Variants in SORCS2 observed in about 807,000 individuals in gnomAD.
SORCS2 encodes the protein sortilin related VPS10 domain containing receptor 2.
SORCS2 carries 100 observed loss-of-function variants against 141.6 expected under a neutral mutation model. The ratio of observed to expected loss-of-function variants is 0.71; its 90% CI spans 0.60 to 0.83. The LOEUF (loss-of-function observed/expected upper bound fraction) is 0.83, where lower values mean the gene tolerates loss of function less well. SORCS2 is among the 40% of genes least tolerant of loss of function. SORCS2 has a pLI of 0.00. For missense variants in SORCS2, 1,646 were observed against 1,560.2 expected, an observed-to-expected ratio of 1.05 and a Z score of -0.93; for synonymous variants, 789 against 676.9, an observed-to-expected ratio of 1.17 and a Z score of -2.57.
chr4:7,556,629 T>G (rs573531630), intron 3 of SORCS2, among the ~76,000 whole-genome samples: 18 of 152,206 alleles, frequency 1.2e-4, no homozygotes, highest in African/African-American at 4.1e-4. Context: ...AGGATCTAGA[T>G]TTTTTTCCAT....
intron 2 of SORCS2, among the ~76,000 whole-genome samples, chr4:7,398,058 A>G (rs942083349): frequency 6.6e-6 from 1 of 152,154 alleles, no homozygotes; most frequent in African/African-American, 2.4e-5. Context: ...AGACTGTGTG[A>G]AGTGTCTTCT....
intron 2 of SORCS2, among the ~76,000 whole-genome samples, chr4:7,524,415 C>T (rs985090843): frequency 2.6e-5 from 4 of 152,032 alleles, no homozygotes; most frequent in Non-Finnish European, 5.9e-5. Flanking sequence ...ACAAGCCACG[C>T]GGGTTGTGGT....
intron 1 of SORCS2, among the ~76,000 whole-genome samples, chr4:7,354,132 C>T (rs1721111320): frequency 6.6e-6 from 1 of 152,236 alleles, no homozygotes; most frequent in Non-Finnish European, 1.5e-5. Context: ...CTGCACGGAC[C>T]CCACCCTGTG....
Position 7,321,322 on chromosome 4 carries a change from A to G in SORCS2, c.481-74966A>G, listed in dbSNP as rs1577395859. 3.3e-5 allele frequency among the ~76,000 whole-genome samples: 5 copies of G among 152,212 alleles called. 1 individual carries two copies. Among genetic ancestry groups the G allele is most frequent in the Admixed American group, 3.3e-4 (5 of 15,296 alleles). On this transcript the variant is annotated intron_variant, in intron 1 of 26. Coordinates refer to ENST00000507866, the MANE Select transcript of SORCS2 (RefSeq NM_020777.3). ...GTATTCCATGGTGTATGTATACCATATTTTCTTTATTCACTCATTGGTTGA... is the reference window on the plus strand; with the variant it reads ...GTATTCCATGGTGTATGTATACCATGTTTTCTTTATTCACTCATTGGTTGA...
At position 7,192,744 on chromosome 4, in the gene SORCS2, C is replaced by G; in HGVS notation, c.98C>G (p.Ser33Trp). Residue 33 changes from serine to tryptophan, a missense_variant, in exon 1 of 27, where the codon TCG (serine) becomes TGG (tryptophan). Coordinates refer to ENST00000507866, the MANE Select transcript of SORCS2 (RefSeq NM_020777.3). The surrounding 1 kb of genome is among the most constrained non-coding windows in gnomAD (Gnocchi z 4.0). ...GAPPPPRSPRSRPLLLLLLLL... is the reference protein window; with the variant it reads ...GAPPPPRSPRWRPLLLLLLLL... Reference sequence around the variant, plus strand: ...CCGCCGCCGCCGCGCTCGCCGCGCTCGCGGCCGCTCCTGCTGCTGCTGCTG... The same window carrying G: ...CCGCCGCCGCCGCGCTCGCCGCGCTGGCGGCCGCTCCTGCTGCTGCTGCTG... The G allele has an allele frequency of 3.0e-6, 3 of 995,382 alleles. No individual in the cohort carries two copies. Among genetic ancestry groups the G allele is most frequent in the Non-Finnish European group, 3.6e-6 (3 of 838,378 alleles). The allele number at this position is 995,382 out of a possible 1,614,324, so 61.7% of individuals were successfully genotyped here. A position where few individuals can be genotyped will look rare whatever the true frequency, so the allele number is the denominator to read the frequency against.
rs575102371 is a variant in SORCS2 at position 7,451,755 on chromosome 4, G to GT, written c.548+55401dup. On this transcript the variant is annotated intron_variant, in intron 2 of 26. Coordinates refer to ENST00000507866, the MANE Select transcript of SORCS2 (RefSeq NM_020777.3). The stretch of plus-strand genomic sequence containing the variant: ...AGCAGGAGTGTGCCAGGCTGGTTTT[G>GT]TGAGTCCCAGACCCCACTGGTGCAG... Among the ~76,000 whole-genome samples the GT allele has an allele frequency of 2.1e-3, 313 of 152,294 alleles. 2 individuals carry two copies. Among genetic ancestry groups the GT allele is most frequent in the Middle Eastern group, 6.8e-3 (2 of 294 alleles).
rs1185435676 is a variant in SORCS2, at chr4:7,531,590, C to A, written c.609C>A (p.Val203=). 6.2e-7 allele frequency: 1 copy of A among 1,613,896 alleles called. No individual in the cohort carries two copies. Among genetic ancestry groups the A allele is most frequent in the East Asian group, 2.2e-5 (1 of 44,886 alleles). The change falls in exon 3 of 27, where the codon GTC becomes GTA. Residue 203 remains valine (V), a synonymous_variant. Coordinates refer to ENST00000507866, the MANE Select transcript of SORCS2 (RefSeq NM_020777.3). ...CCCTCCAGCCTGGTGTCACCACCGT[C>A]ATCGACAATTTCTACATCTGCCCGA... ...KLTLQPGVTT[V]IDNFYICPTN... is the part of the protein sequence containing the mutation.
At chr4:7,690,634 TA>T (rs1394949724) in intron 11 of SORCS2, among the ~76,000 whole-genome samples, 1 of 151,758 alleles carries the variant, frequency 6.6e-6, no homozygotes, top group Non-Finnish European at 1.5e-5. Context: ...GGGTGGATGA[TA>T]GACGGATGAT....
chr4:7,508,059 G>A (rs941085387), intron 2 of SORCS2, among the ~76,000 whole-genome samples: 6 of 152,266 alleles, frequency 3.9e-5, no homozygotes, highest in South Asian at 2.1e-4. Context: ...GTGTCTGTCC[G>A]TGTCGCGTGT....
At position 7,286,303 on chromosome 4, in the gene SORCS2, C is replaced by T. The variant is rs956022838; in HGVS notation, c.480+93177C>T. ...TGGGAGCCTGGCCAGCTGGAGCCAC[C>T]GCTGGAGAGAGCAGGCCTGTTGTGG... is the stretch of plus-strand genomic sequence containing the variant. On this transcript the variant is annotated intron_variant, in intron 1 of 26. Coordinates refer to ENST00000507866, the MANE Select transcript of SORCS2 (RefSeq NM_020777.3). This position sits in a 1 kb window ranked among gnomAD's most constrained non-coding sequence, Gnocchi z 4.1. Among the ~76,000 whole-genome samples, 13 of 152,190 alleles carry T rather than the reference C, an allele frequency of 8.5e-5. No homozygotes were observed. Among genetic ancestry groups the T allele is most frequent in the Non-Finnish European group, 1.5e-4 (10 of 68,038 alleles).
At chr4:7,208,596 T>C (rs1420635590) in intron 1 of SORCS2, among the ~76,000 whole-genome samples, 3 of 152,150 alleles carry the variant, frequency 2.0e-5, no homozygotes, top group Admixed American at 6.5e-5. Context: ...TGCAGCTCCA[T>C]CCTCTGTCTG....
intron 23 of SORCS2, among the ~76,000 whole-genome samples, chr4:7,732,672 C>T (rs1030082829): frequency 6.6e-6 from 1 of 152,100 alleles, no homozygotes; most frequent in African/African-American, 2.4e-5. Flanking sequence ...CCCTGACCAC[C>T]ACTGGGGGAT....
At chr4:7,377,487 G>A (rs1243899579) in intron 1 of SORCS2, among the ~76,000 whole-genome samples, 1 of 152,196 alleles carries the variant, frequency 6.6e-6, no homozygotes, top group East Asian at 1.9e-4. Context: ...TCTGAAAGCC[G>A]AGACCACATC....
At chr4:7,734,123 C>T (rs964909179) in intron 24 of SORCS2, 149 bp from the exon 25 acceptor site, 7 of 570,554 alleles carry the variant, frequency 1.2e-5, no homozygotes, top group African/African-American at 1.1e-4. Context: ...TGAAGACAGG[C>T]AGGAAATGGG....
intron 2 of SORCS2, among the ~76,000 whole-genome samples, chr4:7,443,128 C>A (rs961050995): frequency 6.6e-6 from 1 of 152,228 alleles, no homozygotes; most frequent in African/African-American, 2.4e-5. Flanking sequence ...CTAATTACAT[C>A]TGTAAAAACC....
At chr4:7,722,669 A>G (rs149550066) in intron 18 of SORCS2, among the ~76,000 whole-genome samples, 2 of 152,124 alleles carry the variant, frequency 1.3e-5, no homozygotes, top group East Asian at 1.9e-4. Flanking sequence ...GTATGACCTC[A>G]TCTTAGCTAA....
At chr4:7,548,490 C>T (rs1193406076) in intron 3 of SORCS2, among the ~76,000 whole-genome samples, 2 of 152,168 alleles carry the variant, frequency 1.3e-5, no homozygotes, top group Admixed American at 6.5e-5. Context: ...TGGAGTGCTT[C>T]ATGTCAGGGG....
intron 2 of SORCS2, among the ~76,000 whole-genome samples, chr4:7,509,013 G>A (rs1461282358): frequency 1.3e-5 from 2 of 152,198 alleles, no homozygotes; most frequent in East Asian, 1.9e-4. Context: ...ACAGGGTCAC[G>A]CTGCCTCGGC....
intron 2 of SORCS2, among the ~76,000 whole-genome samples, chr4:7,510,361 C>T (rs893861938): frequency 6.6e-6 from 1 of 152,220 alleles, no homozygotes; most frequent in Non-Finnish European, 1.5e-5. Context: ...TGGTGTCCTC[C>T]GAGCTGACTT....
Sources: gnomAD v4.1 joint callset for allele counts (sites outside exome capture counted in the v4.1 genomes callset) on GRCh38, gnomAD v4.1.1 for gene constraint, Gnocchi (gnomAD v3.1) non-coding constraint, MANE v1.5 for transcripts, NCBI Gene and HGNC (gene_info 2026-07-23, HGNC 2026-07-21) for gene names.